The following XAF1 variants were observed in gnomAD, a reference collection of about 807,000 sequenced individuals.
XAF1 encodes the protein XIAP associated factor 1.
A neutral mutation model predicts 32.3 loss-of-function variants in XAF1; 32 were observed. The ratio of observed to expected loss-of-function variants is 0.99; its 90% CI spans 0.75 to 1.33. XAF1 has a LOEUF of 1.33. Among genes scored for constraint, XAF1 ranks in the 40% most tolerant of loss-of-function variants. XAF1 has a pLI of 0.00. For synonymous variants in XAF1, 120 were observed against 125.9 expected (o/e 0.95, Z 0.31); for missense variants, 379 against 366.0 (o/e 1.04, Z -0.29).
At chr17:6,767,926 A>G (rs558374351) in intron 5 of XAF1, among the ~76,000 whole-genome samples, 73 of 152,340 alleles carry the variant, frequency 4.8e-4, no homozygotes, top group African/African-American at 1.4e-3. Flanking sequence ...GTTAGTCATT[A>G]TCTCTACTTT....
At chr17:6,763,691 T>G (rs963059157) in intron 5 of XAF1, among the ~76,000 whole-genome samples, 74 of 152,296 alleles carry the variant, frequency 4.9e-4, no homozygotes, top group African/African-American at 1.5e-3. Flanking sequence ...CTTTTTGAAG[T>G]GCAGTCTGTG....
chr17:6,763,415 C>G (rs1339430891), intron 5 of XAF1, among the ~76,000 whole-genome samples: 1 of 152,082 alleles, frequency 6.6e-6, no homozygotes, highest in East Asian at 1.9e-4. Flanking sequence ...GCAACCTCTG[C>G]CTCCCGGGTT....
chr17:6,759,038 C>T, intron 2 of XAF1: 1 of 638,162 alleles, frequency 1.6e-6, no homozygotes, highest in Non-Finnish European at 2.1e-6. Context: ...GGAATGGCTC[C>T]AGTCCTCCCT....
Position 6,759,702 on chromosome 17 carries a change from C to T in XAF1, c.209C>T (p.Ser70Leu), listed in dbSNP as rs894939640. ...TGTCAGCAGAGCATGCAGAAGTCCT[C>T]GCTGGAGTTTCATAAGGTAAGAGCC... ...TMCQQSMQKSSLEFHKANECQ... is the reference protein window; with the variant it reads ...TMCQQSMQKSLLEFHKANECQ... Residue 70 changes from serine to leucine, a missense_variant, in exon 3 of 7, where the codon TCG (serine) becomes TTG (leucine). Transcript: ENST00000361842. 5.6e-6 allele frequency: 9 copies of T among 1,613,916 alleles called. No homozygotes were observed. Among genetic ancestry groups the T allele is most frequent in the South Asian group, 4.4e-5 (4 of 91,068 alleles).
At chr17:6,756,645 G>C (rs1483084450) in intron 1 of XAF1, among the ~76,000 whole-genome samples, 1 of 152,196 alleles carries the variant, frequency 6.6e-6, no homozygotes, top group Non-Finnish European at 1.5e-5. Flanking sequence ...CTGTGACAGG[G>C]ACCTGAGTGG....
intron 5 of XAF1, among the ~76,000 whole-genome samples, chr17:6,764,976 T>C (rs891950404): frequency 6.6e-6 from 1 of 152,230 alleles, no homozygotes; most frequent in South Asian, 2.1e-4. Flanking sequence ...CACACTTTCC[T>C]GGTTTTCAAG....
chr17:6,760,924 G>A (rs905455644), intron 4 of XAF1, among the ~76,000 whole-genome samples: 1 of 152,222 alleles, frequency 6.6e-6, no homozygotes, highest in Non-Finnish European at 1.5e-5. Flanking sequence ...GGAGGCTGAG[G>A]CGGGCAGATC....
upstream of XAF1, chr17:6,755,461 G>T: frequency 1.0e-6 from 1 of 986,558 alleles, no homozygotes; most frequent in Non-Finnish European, 1.2e-6. Flanking sequence ...GTTGTTTAGA[G>T]TTCTTCTGTT....
intron 1 of XAF1, among the ~76,000 whole-genome samples, chr17:6,756,422 TC>T (rs1974662607): frequency 6.6e-6 from 1 of 151,876 alleles, no homozygotes; most frequent in African/African-American, 2.4e-5. Context: ...AGACCTTGGG[TC>T]CTAATTTGGG....
chr17:6,769,297 A>G lies in XAF1; in HGVS notation c.508-1346A>G, dbSNP rs1975842220. Among the ~76,000 whole-genome samples, 3 of 152,082 alleles carry G rather than the reference A, an allele frequency of 2.0e-5. No homozygotes were observed. The South Asian group carries it at 6.2e-4, about 31-fold the overall frequency. On this transcript the variant is annotated intron_variant, in intron 5 of 6. Coordinates refer to ENST00000361842, the MANE Select transcript of XAF1 (RefSeq NM_017523.5). ...AAATTTGCCTATTTTTGTTCTCACTACAAAAAAAAGATAGGTATGTGAAGT... is the reference window on the plus strand; with the variant it reads ...AAATTTGCCTATTTTTGTTCTCACTGCAAAAAAAAGATAGGTATGTGAAGT...
At chr17:6,755,806 A>C (rs935722115), upstream of XAF1, 324 of 1,291,176 alleles carry the variant, frequency 2.5e-4, no homozygotes, top group Non-Finnish European at 3.1e-4. Flanking sequence ...TGCCCAGGAG[A>C]GGCCTGGCCT....
chr17:6,765,388 G>A (rs1975529390), intron 5 of XAF1, among the ~76,000 whole-genome samples: 1 of 152,106 alleles, frequency 6.6e-6, no homozygotes, highest in South Asian at 2.1e-4. Flanking sequence ...ACTGCAGCCT[G>A]GGCGACAGAG....
chr17:6,762,120 CA>C, intron 4 of XAF1, 34 bp from the exon 5 acceptor site: 1 of 1,611,296 alleles, frequency 6.2e-7, no homozygotes, highest in African/African-American at 1.3e-5. Flanking sequence ...TTGACAAGGA[CA>C]ATCATTTGTG....
At chr17:6,759,452 G>A (rs767488859) in intron 2 of XAF1, 139 of 1,417,462 alleles carry the variant, frequency 9.8e-5, no homozygotes, top group Admixed American at 2.0e-4. Flanking sequence ...TCAGGCAGCC[G>A]TTGCCAACTC....
At chr17:6,770,613 T>A (rs1975945149) in intron 5 of XAF1, 30 bp from the exon 6 acceptor site, 9 of 1,521,178 alleles carry the variant, frequency 5.9e-6, no homozygotes, top group Non-Finnish European at 7.9e-6. Context: ...GAAGTCATTT[T>A]AAAATTTGAT....
chr17:6,758,324 A>T, intron 2 of XAF1, 100 bp downstream of exon 2: 2 of 1,498,148 alleles, frequency 1.3e-6, no homozygotes, highest in African/African-American at 1.5e-5. Context: ...ACGAGGGTCT[A>T]GTCCTCCCTG....
At chr17:6,759,798 AG>A (rs1229318770) in intron 3 of XAF1, 80 bp downstream of exon 3, 1 of 1,607,220 alleles carries the variant, frequency 6.2e-7, no homozygotes, top group Non-Finnish European at 8.5e-7. Context: ...ACGGGAGGCC[AG>A]TAATAGAGAT....
rs772279125 is a variant in XAF1 at position 6,760,408 on chromosome 17, C to T, written c.228C>T (p.Ala76=). 9 of 1,609,876 alleles carry T rather than the reference C, an allele frequency of 5.6e-6. No homozygotes were observed. The East Asian group carries it at 2.0e-4, about 36-fold the overall frequency. ...MQKSSLEFHK[A]NECQERPVEC... is the part of the protein sequence containing the mutation. ...GCCCTTCCTGCTGCCTCCCACAGGC[C>T]AATGAGTGCCAGGAGCGCCCTGTTG... The change falls in exon 4 of 7, where the codon GCC becomes GCT. Residue 76 remains alanine, a splice_region_variant and synonymous_variant. Coordinates refer to ENST00000361842, the MANE Select transcript of XAF1 (RefSeq NM_017523.5).
intron 3 of XAF1, 42 bp downstream of exon 3, chr17:6,759,760 C>A (rs1975029750): frequency 4.3e-6 from 7 of 1,613,548 alleles, no homozygotes; most frequent in Non-Finnish European, 5.1e-6. Context: ...CCAAATAGAC[C>A]AACCTGAGAA....
Sources: allele counts gnomAD v4.1 joint callset (sites outside exome capture counted in the v4.1 genomes callset), GRCh38; gene constraint gnomAD v4.1.1; transcripts MANE v1.5; gene names NCBI Gene and HGNC (gene_info 2026-07-23, HGNC 2026-07-21).